TECTA: variants seen among roughly 807,000 people sequenced by gnomAD.
TECTA encodes the protein alpha-tectorin.
Under a neutral mutation model 216.8 loss-of-function variants are expected in TECTA, and 128 were observed. The observed-to-expected ratio is 0.59, with a 90% CI of 0.51 to 0.68. The LOEUF (loss-of-function observed/expected upper bound fraction) is 0.68, where lower values mean the gene tolerates loss of function less well. Among genes scored for constraint, TECTA ranks in the 30% least tolerant of loss-of-function variants. The probability of loss-of-function intolerance (pLI) is 0.00; values close to 1 mark genes in which losing one functional copy is unlikely to be tolerated. For synonymous variants in TECTA, 1,089 were observed against 1,117.1 expected (o/e 0.97, Z 0.50); for missense variants, 2,551 against 2,786.2 (o/e 0.92, Z 1.90).
intron 11 of TECTA, among the ~76,000 whole-genome samples, chr11:121,139,252 CT>C (rs1265407580): frequency 1.3e-5 from 2 of 152,216 alleles, no homozygotes; most frequent in Non-Finnish European, 2.9e-5. Flanking sequence ...ATTCATCAGG[CT>C]GTATTTTTCG....
At chr11:121,151,650 G>A (rs1184471449) in intron 12 of TECTA, among the ~76,000 whole-genome samples, 1 of 151,928 alleles carries the variant, frequency 6.6e-6, no homozygotes, top group Admixed American at 6.6e-5. Context: ...TGTATGGTTT[G>A]GATTTTCTAC....
At chr11:121,137,174 G>A (rs1591448799) in intron 10 of TECTA, among the ~76,000 whole-genome samples, 1 of 151,972 alleles carries the variant, frequency 6.6e-6, no homozygotes, top group Non-Finnish European at 1.5e-5. Context: ...GCACAGATGT[G>A]TGCACACACA....
Position 121,109,345 on chromosome 11 carries a change from C to T in TECTA, c.333C>T (p.Ile111=). The T allele has an allele frequency of 6.2e-7, 1 of 1,614,154 alleles. No individual in the cohort carries two copies. The highest frequency in any genetic ancestry group is 8.5e-7 in the Non-Finnish European group (1 of 1,180,030). The part of the protein sequence containing the change: ...ADVHNGIRGE[I]YYRETMEPAI... The stretch of plus-strand genomic sequence containing the variant: ...TGCACAATGGAATTCGAGGCGAGAT[C>T]TATTACAGAGAGACCATGGAGCCTG... Residue 111 remains isoleucine (I), a synonymous_variant, in exon 4 of 24, where the codon ATC becomes ATT. Transcript: ENST00000392793.
chr11:121,183,824 A>G (rs1023659853), intron 20 of TECTA, among the ~76,000 whole-genome samples: 4 of 152,176 alleles, frequency 2.6e-5, no homozygotes, highest in African/African-American at 7.2e-5. Flanking sequence ...GTCTCACTCT[A>G]TTGCCCAGGC....
Position 121,119,989 on chromosome 11 carries a change from A to T in TECTA, c.1203+1271A>T, listed in dbSNP as rs936574765. On this transcript the variant is annotated intron_variant, in intron 7 of 23. Transcript: ENST00000392793. Reference sequence around the variant, plus strand: ...TTTATATTGTGCTGTTGAGCACTATACTTATCCTTGTAGATAGATGCTGGC... The same window carrying T: ...TTTATATTGTGCTGTTGAGCACTATTCTTATCCTTGTAGATAGATGCTGGC... Among the ~76,000 whole-genome samples, 4 of 152,246 alleles carry T rather than the reference A, an allele frequency of 2.6e-5. No homozygotes were observed. The East Asian group carries it at 7.7e-4, about 29-fold the overall frequency.
At chr11:121,110,827 T>G (rs960896161) in intron 4 of TECTA, 2 of 152,220 alleles carry the variant, frequency 1.3e-5, no homozygotes, top group Non-Finnish European at 2.9e-5. Flanking sequence ...GCTTATACTT[T>G]GGAGTATATT....
At chr11:121,166,310 G>C (rs1386164641) in intron 17 of TECTA, among the ~76,000 whole-genome samples, 1 of 152,194 alleles carries the variant, frequency 6.6e-6, no homozygotes, top group Non-Finnish European at 1.5e-5. Flanking sequence ...AGCAAGGTGG[G>C]GGAAGACCTG....
intron 20 of TECTA, among the ~76,000 whole-genome samples, chr11:121,173,182 T>G (rs1947130200): frequency 6.6e-6 from 1 of 152,102 alleles, no homozygotes; most frequent in Non-Finnish European, 1.5e-5. Context: ...GTGCAGAAGC[T>G]CTTTAGTTTA....
Position 121,105,554 on chromosome 11 carries a change from G to C in TECTA, c.65-277G>C, listed in dbSNP as rs527727453. ...AAATTTCACAAATTTCCAGCCAGCTGTAGCCATAGATATCACCAAGATGCA... is the reference window on the plus strand; with the variant it reads ...AAATTTCACAAATTTCCAGCCAGCTCTAGCCATAGATATCACCAAGATGCA... On this transcript the variant is annotated intron_variant, in intron 2 of 23. Coordinates refer to ENST00000392793, the MANE Select transcript of TECTA (RefSeq NM_005422.4). This position sits in a 1 kb window ranked among gnomAD's most constrained non-coding sequence, Gnocchi z 5.3. 1.8e-4 allele frequency among the ~76,000 whole-genome samples: 27 copies of C among 152,242 alleles called. No homozygotes were observed. The highest frequency in any genetic ancestry group is 3.5e-4 in the Non-Finnish European group (24 of 68,044).
chr11:121,152,928 T>C lies in TECTA; in HGVS notation c.4153T>C (p.Cys1385Arg). ...NSHYESCVSV[C>R]QPRCAAIRLK... ...CCATTACGAGAGCTGCGTGAGTGTC[T>C]GCCAGCCCCGCTGCGCCGCCATCCG... Residue 1385 changes from cysteine to arginine, a missense_variant, in exon 13 of 24, where the codon TGC (cysteine) becomes CGC (arginine). By Grantham distance (180) the Cys-to-Arg change is radical (BLOSUM62 -3). Around this residue, in one of 3 missense-constraint regions of TECTA, gnomAD observed 2,375 missense variants for 2,563.9 expected, o/e 0.93. Transcript: ENST00000392793. 6.2e-7 allele frequency: 1 copy of C among 1,611,928 alleles called. No individual in the cohort carries two copies. The highest frequency in any genetic ancestry group is 1.1e-5 in the South Asian group (1 of 91,042).
rs149919658 is a variant in TECTA, at chr11:121,102,711, G to A, written c.46G>A (p.Ala16Thr). Reference protein sequence around the residue: ...FLRIWVSFIFALVQHQAQPRE... With the variant: ...FLRIWVSFIFTLVQHQAQPRE... ...TAGAATTTGGGTCTCTTTCATCTTC[G>A]CACTTGTACAGCACCAAGGTGAGTA... is the stretch of plus-strand genomic sequence containing the variant. Residue 16 changes from alanine to threonine, a missense_variant, in exon 2 of 24, where the codon GCA becomes ACA. By Grantham distance (58) the Ala-to-Thr change is moderately conservative (BLOSUM62 0). Around this residue, in one of 3 missense-constraint regions of TECTA, gnomAD observed 2,375 missense variants for 2,563.9 expected, o/e 0.93. Coordinates refer to ENST00000392793, the MANE Select transcript of TECTA (RefSeq NM_005422.4). The A allele has an allele frequency of 2.5e-5, 41 of 1,613,312 alleles. No individual in the cohort carries two copies. The highest frequency in any genetic ancestry group is 5.0e-5 in the Admixed American group (3 of 59,966).
At chr11:121,178,194 G>A (rs899869267) in intron 20 of TECTA, among the ~76,000 whole-genome samples, 6 of 152,148 alleles carry the variant, frequency 3.9e-5, no homozygotes, top group South Asian at 2.1e-4. Flanking sequence ...ACTGTCCTGC[G>A]CCCACTGTCT....
chr11:121,153,090 G>T lies in TECTA; in HGVS notation c.4305+10G>T. 1 of 1,610,062 alleles carries T rather than the reference G, an allele frequency of 6.2e-7. No homozygotes were observed. The highest frequency in any genetic ancestry group is 1.1e-5 in the South Asian group (1 of 90,442). ...TGGCAAATATTACGAGGTATGGGAG[G>T]CCAGCCCGGCCTTTTCCTCCTTGCC... On this transcript the variant is annotated intron_variant, in intron 13 of 23. Transcript: ENST00000392793.
In TECTA at chr11:121,146,178, C is replaced by G. The variant is rs187755797; in HGVS notation, c.4105+62C>G. The G allele has an allele frequency of 1.6e-4, 249 of 1,582,268 alleles. 1 individual carries two copies. In the Middle Eastern group the frequency reaches 2.9e-3, roughly 18 times the overall value. The stretch of plus-strand genomic sequence containing the variant: ...CTCTTTCTTGATTGCTCTGGGAAGG[C>G]CAGTCTTCCAACTCCCTAGAAGTCA... On this transcript the variant is annotated intron_variant, in intron 12 of 23. Transcript: ENST00000392793.
chr11:121,137,510 G>C lies in TECTA; in HGVS notation c.3031G>C (p.Asp1011His). ...ETLTLGPICVDSCSEGCQCDE... is the reference protein window; with the variant it reads ...ETLTLGPICVHSCSEGCQCDE... ...CCTTACCCTGGGCCCCATCTGCGTG[G>C]ATAGCTGCTCTGAGGGATGTCAGTG... The change falls in exon 11 of 24, where the codon GAT becomes CAT. Residue 1011 changes from aspartate to histidine, a missense_variant. Asp to His is a moderately conservative substitution (Grantham distance 81, BLOSUM62 -1). Transcript: ENST00000392793. The C allele has an allele frequency of 1.2e-6, 2 of 1,613,942 alleles. No homozygotes were observed. Among genetic ancestry groups the C allele is most frequent in the Non-Finnish European group, 1.7e-6 (2 of 1,179,974 alleles).
chr11:121,162,285 G>C lies in TECTA; in HGVS notation c.5187G>C (p.Gln1729His). Residue 1729 changes from glutamine to histidine, a missense_variant, in exon 16 of 24, where the codon CAG becomes CAC. Physicochemically the swap from Gln to His is conservative, Grantham distance 24. Around this residue, in one of 3 missense-constraint regions of TECTA, gnomAD observed 2,375 missense variants for 2,563.9 expected, o/e 0.93. Transcript: ENST00000392793. Reference sequence around the variant, plus strand: ...GCTGCTACAGCCACAAGAAGTTCCAGCTGTGCGGCTCCCTGGCCGCCTACG... The same window carrying C: ...GCTGCTACAGCCACAAGAAGTTCCACCTGTGCGGCTCCCTGGCCGCCTACG... ...LDGCYSHKKF[Q>H]LCGSLAAYGE... 1 of 1,613,830 alleles carries C rather than the reference G, an allele frequency of 6.2e-7. No individual in the cohort carries two copies. Among genetic ancestry groups the C allele is most frequent in the Non-Finnish European group, 8.5e-7 (1 of 1,180,048 alleles).
chr11:121,129,847 G>A lies in TECTA; in HGVS notation c.2577G>A (p.Glu859=), dbSNP rs1468222922. The change falls in exon 10 of 24, where the codon GAG becomes GAA. Residue 859 remains glutamate (E), a synonymous_variant. Coordinates refer to ENST00000392793, the MANE Select transcript of TECTA (RefSeq NM_005422.4). ...CGFYNANASD[E]FCLPNGKCTD... is the part of the protein sequence containing the mutation. ...TCTACAATGCCAACGCCAGTGACGA[G>A]TTCTGTCTCCCCAACGGCAAGTGCA... is the stretch of plus-strand genomic sequence containing the variant. 1 of 1,614,240 alleles carries A rather than the reference G, an allele frequency of 6.2e-7. No homozygotes were observed. The highest frequency in any genetic ancestry group is 1.1e-5 in the South Asian group (1 of 91,080).
intron 11 of TECTA, among the ~76,000 whole-genome samples, chr11:121,144,228 A>G (rs1946812568): frequency 6.6e-6 from 1 of 152,198 alleles, no homozygotes; most frequent in South Asian, 2.1e-4. Flanking sequence ...TGTGCTAAGC[A>G]TATCAGACAC....
At chr11:121,167,294 G>A (rs989245476) in intron 18 of TECTA, among the ~76,000 whole-genome samples, 20 of 152,180 alleles carry the variant, frequency 1.3e-4, no homozygotes, top group African/African-American at 4.8e-4. Flanking sequence ...AATTAGCTGG[G>A]TGTGGTGACA....
Sources: gnomAD v4.1 joint callset for allele counts (sites outside exome capture counted in the v4.1 genomes callset) on GRCh38, gnomAD v4.1.1 for gene constraint, gnomAD v4.1.1 regional missense constraint, Gnocchi (gnomAD v3.1) non-coding constraint, MANE v1.5 for transcripts, NCBI Gene and HGNC (gene_info 2026-07-23, HGNC 2026-07-21) for gene names.